The following BMPER variants were observed in gnomAD, a reference collection of about 807,000 sequenced individuals.
The protein encoded by BMPER is BMP binding endothelial regulator, also known as BMP-binding endothelial regulator protein.
A neutral mutation model predicts 87.3 loss-of-function variants in BMPER; 45 were observed. The observed-to-expected ratio is 0.52, with a 90% CI of 0.41 to 0.66. The LOEUF (loss-of-function observed/expected upper bound fraction) is 0.66, where lower values mean the gene tolerates loss of function less well. BMPER is among the 30% of genes least tolerant of loss of function. The pLI, the probability that BMPER is intolerant of heterozygous loss-of-function variation, is 0.00. For synonymous variants in BMPER, 326 were observed against 316.2 expected (o/e 1.03, Z -0.33); for missense variants, 784 against 867.5 (o/e 0.90, Z 1.21).
intron 13 of BMPER, among the ~76,000 whole-genome samples, chr7:34,122,003 G>T (rs1051040793): frequency 6.6e-6 from 1 of 151,150 alleles, no homozygotes; most frequent in East Asian, 2.0e-4. Context: ...CATGCCTGTG[G>T]TCCCAGCTAC....
intron 2 of BMPER, among the ~76,000 whole-genome samples, chr7:33,916,383 G>A (rs185835579): frequency 1.3e-5 from 2 of 152,356 alleles, no homozygotes; most frequent in East Asian, 3.9e-4. Context: ...GCAGGTAGGA[G>A]GCAAAAATGT....
chr7:33,946,228 T>TG (rs1172516366), intron 3 of BMPER, among the ~76,000 whole-genome samples: 3 of 152,060 alleles, frequency 2.0e-5, no homozygotes, highest in Non-Finnish European at 1.5e-5. Flanking sequence ...GAGAACAGCA[T>TG]GGGGGAAACT....
chr7:34,020,351 A>G (rs182446457), intron 6 of BMPER, among the ~76,000 whole-genome samples: 17 of 152,112 alleles, frequency 1.1e-4, no homozygotes, highest in African/African-American at 3.6e-4. Flanking sequence ...GCTTTAAGGG[A>G]TGGGGGCACA....
At chr7:33,905,531 C>A (rs1411684864), upstream of BMPER, 9 of 1,545,372 alleles carry the variant, frequency 5.8e-6, no homozygotes, top group Non-Finnish European at 7.8e-6. Context: ...CGGCTGAGAG[C>A]CCTTTTCGAC....
At chr7:34,144,225 T>G (rs1790957894) in intron 14 of BMPER, among the ~76,000 whole-genome samples, 1 of 151,822 alleles carries the variant, frequency 6.6e-6, no homozygotes, top group Non-Finnish European at 1.5e-5. Flanking sequence ...GGAGAAAAAT[T>G]ATTAGCATGC....
intron 10 of BMPER, among the ~76,000 whole-genome samples, chr7:34,060,273 G>A (rs933734678): frequency 1.3e-5 from 2 of 151,694 alleles, no homozygotes; most frequent in Non-Finnish European, 2.9e-5. Flanking sequence ...GTAGGGAATC[G>A]TAGTCACATT....
chr7:33,975,969 T>C (rs1381302012), intron 6 of BMPER, among the ~76,000 whole-genome samples: 1 of 151,964 alleles, frequency 6.6e-6, no homozygotes, highest in Non-Finnish European at 1.5e-5. Flanking sequence ...GAAGAGAGTA[T>C]ATATGTATAT....
At chr7:34,010,609 C>A (rs1438822188) in intron 6 of BMPER, among the ~76,000 whole-genome samples, 1 of 151,846 alleles carries the variant, frequency 6.6e-6, no homozygotes, top group Non-Finnish European at 1.5e-5. Flanking sequence ...TTTTTTAAAT[C>A]AGTGCATGAT....
chr7:33,962,816 GA>G lies in BMPER; in HGVS notation c.320-3653del, dbSNP rs547926946. 1.8e-4 allele frequency among the ~76,000 whole-genome samples: 27 copies of G among 147,032 alleles called. No homozygotes were observed. In the South Asian group the frequency reaches 2.8e-3, roughly 15 times the overall value. Reference sequence around the variant, plus strand: ...AGGGAGTTTCTTTTAAATATTTAAAGAAAAAAAAAAGCTGCTTTACTGGTTG... The same window carrying G: ...AGGGAGTTTCTTTTAAATATTTAAAGAAAAAAAAAGCTGCTTTACTGGTTG... On this transcript the variant is annotated intron_variant, in intron 3 of 14. Coordinates refer to ENST00000649409, the MANE Select transcript of BMPER (RefSeq NM_001365308.1).
chr7:33,945,167 TC>T (rs1263288503), intron 3 of BMPER, among the ~76,000 whole-genome samples: 7 of 151,764 alleles, frequency 4.6e-5, no homozygotes, highest in African/African-American at 1.7e-4. Context: ...CGTCTCGATC[TC>T]CTGACCTCGT....
chr7:34,055,423 G>GCACACA, intron 9 of BMPER, 120 bp downstream of exon 9: 1 of 1,241,270 alleles, frequency 8.1e-7, no homozygotes, highest in Non-Finnish European at 1.2e-6. Context: ...AAATGTATAT[G>GCACACA]TGTGCATATA....
intron 8 of BMPER, among the ~76,000 whole-genome samples, chr7:34,054,184 G>A (rs1009842684): frequency 6.6e-6 from 1 of 152,120 alleles, no homozygotes; most frequent in Non-Finnish European, 1.5e-5. Context: ...GAGGACAGAA[G>A]TACATTTATC....
At chr7:33,929,696 G>T (rs1254419940) in intron 2 of BMPER, among the ~76,000 whole-genome samples, 2 of 152,176 alleles carry the variant, frequency 1.3e-5, no homozygotes, top group Non-Finnish European at 2.9e-5. Flanking sequence ...GTAAACCTGG[G>T]TGAGCCGTTT....
rs766453773 is a variant in BMPER at position 33,970,381 on chromosome 7, C to G, written c.455C>G (p.Pro152Arg). 6 of 1,614,162 alleles carry G rather than the reference C, an allele frequency of 3.7e-6. No individual in the cohort carries two copies. Among genetic ancestry groups the G allele is most frequent in the Non-Finnish European group, 5.1e-6 (6 of 1,180,008 alleles). The part of the protein sequence containing the change: ...GVRCVVHCKN[P>R]LEHLGMCCPT... The stretch of plus-strand genomic sequence containing the variant: ...CGCTGTGTTGTTCATTGTAAAAACC[C>G]TTTGGAGCATCTGGGAATGTGCTGC... The change falls in exon 5 of 15, where the codon CCT (proline) becomes CGT (arginine). Residue 152 changes from proline (P) to arginine (R), a missense_variant. Physicochemically the swap from Pro to Arg is moderately radical, Grantham distance 103. Coordinates refer to ENST00000649409, the MANE Select transcript of BMPER (RefSeq NM_001365308.1).
At position 34,058,046 on chromosome 7, in the gene BMPER, C is replaced by A; in HGVS notation, c.928-13C>A. On this transcript the variant is annotated splice_polypyrimidine_tract_variant and intron_variant, in intron 9 of 14. Coordinates refer to ENST00000649409, the MANE Select transcript of BMPER (RefSeq NM_001365308.1). ...CTCCAGCTGCTGACAGGATCCTGTG[C>A]CCTCTCTTGTAGGATGGAGAGATGT... 1 of 1,611,240 alleles carries A rather than the reference C, an allele frequency of 6.2e-7. No individual in the cohort carries two copies.
At chr7:33,955,287 C>T (rs1453820812) in intron 3 of BMPER, among the ~76,000 whole-genome samples, 1 of 152,172 alleles carries the variant, frequency 6.6e-6, no homozygotes. Context: ...TAACAAAGAA[C>T]CCCTCTGATC....
In BMPER at chr7:33,939,947, T is replaced by C. The variant is rs779220893; in HGVS notation, c.319+2559T>C. The stretch of plus-strand genomic sequence containing the variant: ...TGTTTTCTCTCTTTCTACCTCGTAA[T>C]ACAGTGCTTGTCTCAAGGGTTTTAA... On this transcript the variant is annotated intron_variant, in intron 3 of 14. Transcript: ENST00000649409. The C allele has an allele frequency of 4.3e-5, 13 of 305,658 alleles. No homozygotes were observed. In the Admixed American group the frequency reaches 4.4e-4, roughly 10 times the overall value. 18.9% of individuals were successfully genotyped at this position (305,658 alleles called of 1,614,324 possible).
chr7:33,964,138 A>G (rs574911971), intron 3 of BMPER, among the ~76,000 whole-genome samples: 4 of 152,322 alleles, frequency 2.6e-5, no homozygotes, highest in African/African-American at 9.6e-5. Context: ...ATGAATTAAA[A>G]TAACATGTGT....
chr7:34,102,244 G>C, intron 13 of BMPER, among the ~76,000 whole-genome samples: 1 of 152,048 alleles, frequency 6.6e-6, no homozygotes, highest in Non-Finnish European at 1.5e-5. Context: ...GGAGAAATTA[G>C]ACAACAGAGC....
Sources: gnomAD v4.1 joint callset for allele counts (sites outside exome capture counted in the v4.1 genomes callset) on GRCh38, gnomAD v4.1.1 for gene constraint, MANE v1.5 for transcripts, NCBI Gene and HGNC (gene_info 2026-07-23, HGNC 2026-07-21) for gene names.